Variants in LARP1B observed in about 807,000 individuals in gnomAD.
The protein encoded by LARP1B is La ribonucleoprotein 1B, also known as la-related protein 1B.
A neutral mutation model predicts 114.2 loss-of-function variants in LARP1B; 76 were observed. That is an observed-to-expected ratio of 0.67 (90% CI 0.55 to 0.81). The LOEUF (loss-of-function observed/expected upper bound fraction) is 0.81. Ranked by LOEUF, LARP1B falls within the 30% of genes least tolerant of loss-of-function variation. The pLI is 0.00. For synonymous variants in LARP1B, 345 were observed against 348.0 expected (o/e 0.99, Z 0.10); for missense variants, 1,014 against 1,075.8 (o/e 0.94, Z 0.80).
intron 5 of LARP1B, among the ~76,000 whole-genome samples, chr4:128,083,016 T>C (rs368381309): frequency 5.9e-5 from 9 of 151,918 alleles, no homozygotes; most frequent in East Asian, 1.9e-4. Context: ...GTGGTGATGA[T>C]TCTTAACGAG....
chr4:128,104,569 C>T (rs1026268926), intron 8 of LARP1B, among the ~76,000 whole-genome samples: 2 of 152,010 alleles, frequency 1.3e-5, no homozygotes, highest in Non-Finnish European at 2.9e-5. Flanking sequence ...CTCAGCCTCC[C>T]GAGTAGCTGG....
chr4:128,074,696 T>C (rs1767104029), intron 2 of LARP1B, among the ~76,000 whole-genome samples, 178 bp downstream of exon 2: 1 of 152,232 alleles, frequency 6.6e-6, no homozygotes, highest in Admixed American at 6.5e-5. Context: ...TTTGTTATCA[T>C]GTATAACTCA....
chr4:128,110,509 C>T (rs1333806619), intron 9 of LARP1B, among the ~76,000 whole-genome samples: 1 of 149,378 alleles, frequency 6.7e-6, no homozygotes, highest in African/African-American at 2.5e-5. Flanking sequence ...AACCCCGTCT[C>T]TACTAAAAAT....
At chr4:128,093,050 C>T in intron 7 of LARP1B, 1 of 985,176 alleles carries the variant, frequency 1.0e-6, no homozygotes, top group Non-Finnish European at 1.2e-6. Flanking sequence ...TGATGATGTC[C>T]CTAGGACACT....
At position 128,129,286 on chromosome 4, in the gene LARP1B, C is replaced by T. The variant is rs1580782313; in HGVS notation, c.1524+7098C>T. On this transcript the variant is annotated intron_variant, in intron 11 of 19. Transcript: ENST00000326639. The stretch of plus-strand genomic sequence containing the variant: ...AGGAGAACAGATTGAACCCGGAAGG[C>T]GGAGGGTGCAGTGAGCCGAGGTCAC... Among the ~76,000 whole-genome samples the T allele has an allele frequency of 4.4e-5, 6 of 134,992 alleles. No individual in the cohort carries two copies. The South Asian group carries it at 7.2e-4, about 16-fold the overall frequency. The allele number at this position is 134,992 out of a possible 152,430, so 88.6% of individuals were successfully genotyped here. A position where few individuals can be genotyped will look rare whatever the true frequency, so the allele number is the denominator to read the frequency against.
At chr4:128,073,520 T>C (rs1449579527) in intron 1 of LARP1B, among the ~76,000 whole-genome samples, 3 of 82,692 alleles carry the variant, frequency 3.6e-5, no homozygotes, top group Non-Finnish European at 8.2e-5. Flanking sequence ...AGAGACTCTG[T>C]CTCAAAAAAA....
chr4:128,068,536 C>T (rs1413007054), intron 1 of LARP1B, among the ~76,000 whole-genome samples: 2 of 151,880 alleles, frequency 1.3e-5, no homozygotes, highest in African/African-American at 2.4e-5. Flanking sequence ...AGTATCTTGC[C>T]ATGTTGCCTA....
intron 11 of LARP1B, among the ~76,000 whole-genome samples, chr4:128,160,013 T>C (rs896345499): frequency 6.6e-6 from 1 of 152,256 alleles, no homozygotes; most frequent in Admixed American, 6.5e-5. Context: ...AGTGTATTCA[T>C]ATGGTAGGAT....
intron 11 of LARP1B, among the ~76,000 whole-genome samples, chr4:128,132,066 A>G (rs139601195): frequency 6.6e-6 from 1 of 152,350 alleles, no homozygotes; most frequent in Non-Finnish European, 1.5e-5. Flanking sequence ...TATGTAATCC[A>G]AAGAAACAAA....
rs758032661 is a variant in LARP1B at position 128,137,791 on chromosome 4, A to AT, written c.1524+15613dup. Among the ~76,000 whole-genome samples, 375 of 63,554 alleles carry AT rather than the reference A, an allele frequency of 5.9e-3. 2 individuals are homozygous for AT. The highest frequency in any genetic ancestry group is 0.016 in the African/African-American group (326 of 20,892). The allele number at this position is 63,554 out of a possible 152,430, so 41.7% of individuals were successfully genotyped here. A position where few individuals can be genotyped will look rare whatever the true frequency, so the allele number is the denominator to read the frequency against. On this transcript the variant is annotated intron_variant, in intron 11 of 19. Coordinates refer to ENST00000326639, the MANE Select transcript of LARP1B (RefSeq NM_018078.4). ...TATACATATATATATATATATATAT[A>AT]TTTTTTTTTTAGGGGGGTTGGTGAC...
intron 11 of LARP1B, chr4:128,122,631 G>C: frequency 1.4e-6 from 2 of 1,454,828 alleles, no homozygotes; most frequent in Non-Finnish European, 1.8e-6. Flanking sequence ...GCCTCTTTCT[G>C]TTTTCCCCAC....
At chr4:128,086,176 T>C (rs1239338802) in intron 5 of LARP1B, among the ~76,000 whole-genome samples, 1 of 151,950 alleles carries the variant, frequency 6.6e-6, no homozygotes, top group Non-Finnish European at 1.5e-5. Context: ...GCTATTTTTT[T>C]TGTAGTTTTT....
chr4:128,168,487 G>A (rs1742126278), intron 12 of LARP1B, among the ~76,000 whole-genome samples: 1 of 151,842 alleles, frequency 6.6e-6, no homozygotes, highest in Non-Finnish European at 1.5e-5. Flanking sequence ...TGTTACATAT[G>A]TACATATGTA....
rs2126112 is a variant in LARP1B, at chr4:128,099,511, G to C, written c.813+1181G>C. On this transcript the variant is annotated intron_variant, in intron 8 of 19. Transcript: ENST00000326639. Reference sequence around the variant, plus strand: ...AATGTTGGCCAGGTTGTAGCCTTTTGTTTCTGATTTTTCACTTAGTATTGT... The same window carrying C: ...AATGTTGGCCAGGTTGTAGCCTTTTCTTTCTGATTTTTCACTTAGTATTGT... Among the ~76,000 whole-genome samples, 376 of 151,800 alleles carry C rather than the reference G, an allele frequency of 2.5e-3. 1 individual carries two copies. Among genetic ancestry groups the C allele is most frequent in the Admixed American group, 5.4e-3 (83 of 15,250 alleles).
chr4:128,210,290 T>C lies in LARP1B; in HGVS notation c.*237T>C. On this transcript the variant is annotated 3_prime_UTR_variant, in exon 20 of 20. Coordinates refer to ENST00000326639, the MANE Select transcript of LARP1B (RefSeq NM_018078.4). ...CTGATTTCACAAACAAGGATAGTCT[T>C]GGTGACCTTTTATAGAGATCTTCTA... 7.5e-7 allele frequency: 1 copy of C among 1,336,398 alleles called. No homozygotes were observed. Among genetic ancestry groups the C allele is most frequent in the East Asian group, 3.0e-5 (1 of 33,170 alleles). The allele number at this position is 1,336,398 out of a possible 1,614,324, so 82.8% of individuals were successfully genotyped here.
intron 6 of LARP1B, among the ~76,000 whole-genome samples, chr4:128,217,052 A>C (rs1759556047): frequency 6.6e-6 from 1 of 150,740 alleles, no homozygotes; most frequent in South Asian, 2.1e-4. Flanking sequence ...GAAGAAATGG[A>C]TACATTCCTC....
rs190599026 is a variant in LARP1B at position 128,134,571 on chromosome 4, A to G, written c.1524+12383A>G. ...TTCTTGGATATCACACTAAAATCAC[A>G]TGTTACAGAACAAATGTAGACAAAT... On this transcript the variant is annotated intron_variant, in intron 11 of 19. Coordinates refer to ENST00000326639, the MANE Select transcript of LARP1B (RefSeq NM_018078.4). 2.2e-3 allele frequency among the ~76,000 whole-genome samples: 329 copies of G among 152,332 alleles called. 2 individuals are homozygous for G. Among genetic ancestry groups the G allele is most frequent in the African/African-American group, 7.5e-3 (310 of 41,582 alleles).
At chr4:128,145,015 A>C (rs760740590) in intron 11 of LARP1B, among the ~76,000 whole-genome samples, 7 of 152,170 alleles carry the variant, frequency 4.6e-5, no homozygotes, top group Non-Finnish European at 8.8e-5. Flanking sequence ...TAATTTTTAA[A>C]GTTTTATACT....
chr4:128,205,544 G>T (rs970250196), intron 17 of LARP1B, among the ~76,000 whole-genome samples: 2 of 152,106 alleles, frequency 1.3e-5, no homozygotes, highest in Non-Finnish European at 2.9e-5. Context: ...TCTCATTTAC[G>T]TAGTGATTAT....
Sources: gnomAD v4.1 joint callset for allele counts (sites outside exome capture counted in the v4.1 genomes callset) on GRCh38, gnomAD v4.1.1 for gene constraint, MANE v1.5 for transcripts, NCBI Gene and HGNC (gene_info 2026-07-23, HGNC 2026-07-21) for gene names.